Variants in RAD52 observed in about 807,000 individuals in gnomAD.
RAD52 encodes DNA repair protein RAD52 homolog.
RAD52 carries 47 observed loss-of-function variants against 55.5 expected under a neutral mutation model. The ratio of observed to expected loss-of-function variants is 0.85; its 90% confidence interval spans 0.67 to 1.08. The LOEUF is 1.08. Among genes scored for constraint, RAD52 ranks in the 50% least tolerant of loss-of-function variants. The pLI is 0.00. For missense variants in RAD52, 468 were observed against 522.8 expected (o/e 0.90, Z 1.02); for synonymous variants, 184 against 198.9 (o/e 0.92, Z 0.63).
chr12:977,325 G>A (rs375399250), intron 1 of RAD52, among the ~76,000 whole-genome samples: 2 of 152,114 alleles, frequency 1.3e-5, no homozygotes, highest in Non-Finnish European at 2.9e-5. Flanking sequence ...CTGAAGTTAC[G>A]TGCATGCTCT....
chr12:989,000 CTAT>C (rs1959130106), intron 1 of RAD52, among the ~76,000 whole-genome samples: 2 of 151,932 alleles, frequency 1.3e-5, no homozygotes, highest in Non-Finnish European at 1.5e-5. Context: ...AGGAAACCAG[CTAT>C]TGTGCTAGAA....
chr12:915,715 T>G (rs1956326497), intron 9 of RAD52, among the ~76,000 whole-genome samples: 2 of 125,580 alleles, frequency 1.6e-5, no homozygotes, highest in Admixed American at 7.5e-5. Context: ...GCTTGTTTTT[T>G]TTTTGTTTTG....
In RAD52 at chr12:965,220, C is replaced by T. The variant is rs114144819; in HGVS notation, c.-19+24589G>A. On this transcript the variant is annotated intron_variant, in intron 1 of 11. Coordinates refer to the RAD52 transcript ENST00000430095. ...GTCTTGATCTCCTGACTTGGTGATC[C>T]GCCCACCTCGACTCCCAAAGTGCTG... 8.9e-3 allele frequency among the ~76,000 whole-genome samples: 1,353 copies of T among 151,952 alleles called. 17 individuals are homozygous for T. The highest frequency in any genetic ancestry group is 0.016 in the South Asian group (79 of 4,806).
At chr12:958,529 T>C (rs758131490) in intron 1 of RAD52, among the ~76,000 whole-genome samples, 4 of 152,230 alleles carry the variant, frequency 2.6e-5, no homozygotes, top group Non-Finnish European at 4.4e-5. Context: ...CTGCATTGCC[T>C]TTTATGACCT....
In RAD52 at chr12:916,807, A is replaced by G. The variant is rs1956414906; in HGVS notation, c.557T>C (p.Val186Ala). The part of the protein sequence containing the change: ...NKLPRQLPLE[V>A]DLTKAKRQDL... ...TTGTCTCTTCGCTTTAGTTAAATCCACTTCAAGAGGCAACTAGAAGGAAAG... is the reference window on the plus strand; with the variant it reads ...TTGTCTCTTCGCTTTAGTTAAATCCGCTTCAAGAGGCAACTAGAAGGAAAG... The change falls in exon 8 of 12, where the codon GTG becomes GCG. Residue 186 changes from valine to alanine, a missense_variant. Physicochemically the swap from Val to Ala is moderately conservative, Grantham distance 64. Transcript: ENST00000358495. 1 of 1,602,430 alleles carries G rather than the reference A, an allele frequency of 6.2e-7. No individual in the cohort carries two copies. The highest frequency in any genetic ancestry group is 8.5e-7 in the Non-Finnish European group (1 of 1,170,482).
chr12:947,097 C>T lies in RAD52; in HGVS notation c.-19+2505G>A, dbSNP rs575548889. 2.4e-4 allele frequency among the ~76,000 whole-genome samples: 36 copies of T among 152,148 alleles called. 1 individual carries two copies. The highest frequency in any genetic ancestry group is 3.4e-3 in the Middle Eastern group (1 of 294). ...ATCCCAACACTTTGGGAGGCCAAGG[C>T]GGGAGGATCACCTGAGGTAGGGAGT... On this transcript the variant is annotated intron_variant, in intron 1 of 11. Transcript: ENST00000358495.
intron 1 of RAD52, among the ~76,000 whole-genome samples, chr12:982,516 C>A (rs1000270358): frequency 6.6e-6 from 1 of 152,226 alleles, no homozygotes; most frequent in Middle Eastern, 3.4e-3. Context: ...ACTAGAACAC[C>A]ATTTGGCCAA....
chr12:913,967 A>G lies in RAD52; in HGVS notation c.1122T>C (p.Val374=), dbSNP rs1592303796. ...MVTQNRTPHS[V]CHQKPQAKSG... ...ATTTTGCTTGTGGTTTCTGGTGGCA[A>G]ACGCTGTGTGGAGTCCTGTTCTGGG... Residue 374 remains valine, a synonymous_variant, in exon 11 of 12, where the codon GTT becomes GTC. Coordinates refer to ENST00000358495, the MANE Select transcript of RAD52 (RefSeq NM_134424.4). 1 of 1,614,128 alleles carries G rather than the reference A, an allele frequency of 6.2e-7. No individual in the cohort carries two copies. Among genetic ancestry groups the G allele is most frequent in the Non-Finnish European group, 8.5e-7 (1 of 1,180,022 alleles).
chr12:919,842 TAA>T (rs1173372708), intron 7 of RAD52, among the ~76,000 whole-genome samples: 1 of 114,608 alleles, frequency 8.7e-6, no homozygotes, highest in Admixed American at 8.4e-5. Context: ...CATCTGAGGT[TAA>T]GAGTCCAAGA....
At chr12:940,602 A>G (rs1957870880) in intron 1 of RAD52, among the ~76,000 whole-genome samples, 1 of 151,760 alleles carries the variant, frequency 6.6e-6, no homozygotes, top group African/African-American at 2.4e-5. Flanking sequence ...ACAGAGCAAG[A>G]CTCCGTCTAA....
chr12:950,274 C>T (rs1216222704), upstream of RAD52, among the ~76,000 whole-genome samples: 1 of 152,078 alleles, frequency 6.6e-6, no homozygotes, highest in African/African-American at 2.4e-5. Flanking sequence ...GAAGTCCCCT[C>T]TAGAATGTCC....
chr12:980,048 G>T (rs1250622966), intron 1 of RAD52, among the ~76,000 whole-genome samples: 1 of 151,914 alleles, frequency 6.6e-6, no homozygotes, highest in Non-Finnish European at 1.5e-5. Flanking sequence ...AATTTGCTGG[G>T]CGTGGTGGTG....
chr12:950,053 G>C (rs1958481850), upstream of RAD52, among the ~76,000 whole-genome samples: 3 of 152,208 alleles, frequency 2.0e-5, no homozygotes, highest in African/African-American at 7.2e-5. Flanking sequence ...GTGCCCATTA[G>C]GATGCGGGGC....
intron 1 of RAD52, among the ~76,000 whole-genome samples, chr12:972,103 G>C (rs1165976259): frequency 6.6e-6 from 1 of 152,102 alleles, no homozygotes; most frequent in African/African-American, 2.4e-5. Context: ...CAAATCTTGA[G>C]GCAACGCTAA....
In RAD52 at chr12:925,481, T is replaced by G; in HGVS notation, c.512A>C (p.Tyr171Ser). 1 of 1,614,046 alleles carries G rather than the reference T, an allele frequency of 6.2e-7. No individual in the cohort carries two copies. The highest frequency in any genetic ancestry group is 8.5e-7 in the Non-Finnish European group (1 of 1,179,920). The change falls in exon 7 of 12, where the codon TAC becomes TCC. Residue 171 changes from tyrosine (Y) to serine (S), a missense_variant. Tyr to Ser is a moderately radical substitution (Grantham distance 144). Transcript: ENST00000358495. ...ALGNCILDKD[Y>S]LRSLNKLPRQ... ...TGGAAGCTTATTTAGTGATCTCAGG[T>G]AGTCTTTGTCCAGAATACAGTTTCC...
intron 1 of RAD52, among the ~76,000 whole-genome samples, chr12:972,516 C>T (rs963883657): frequency 6.6e-5 from 10 of 151,944 alleles, no homozygotes; most frequent in African/African-American, 2.4e-4. Flanking sequence ...CCTGTAATCC[C>T]AGCACTTTGG....
intron 7 of RAD52, among the ~76,000 whole-genome samples, chr12:919,396 A>G (rs1443675158): frequency 6.6e-6 from 1 of 152,014 alleles, no homozygotes; most frequent in Non-Finnish European, 1.5e-5. Context: ...CAGTGATCAC[A>G]ACATTGCACT....
chr12:911,772 T>TTTTAC lies in RAD52; in HGVS notation c.*1614_*1618dup, dbSNP rs1337536511. Among the ~76,000 whole-genome samples, 11 of 152,274 alleles carry TTTTAC rather than the reference T, an allele frequency of 7.2e-5. No homozygotes were observed. Among genetic ancestry groups the TTTTAC allele is most frequent in the East Asian group, 5.8e-4 (3 of 5,186 alleles). ...GGCTCATGCCTATAATTCTAGTACT[T>TTTTAC]TTTACTTTGGGAGGCCGAGGTGGGC... On this transcript the variant is annotated 3_prime_UTR_variant, in exon 12 of 12. Coordinates refer to ENST00000358495, the MANE Select transcript of RAD52 (RefSeq NM_134424.4).
At chr12:990,299 G>C (rs1959169360), upstream of RAD52, 1 of 151,998 alleles carries the variant, frequency 6.6e-6, no homozygotes, top group African/African-American at 2.4e-5. Context: ...TCTTGGTTTA[G>C]AGATAGCTTA....
Sources: allele counts gnomAD v4.1 joint callset (sites outside exome capture counted in the v4.1 genomes callset), GRCh38; gene constraint gnomAD v4.1.1; transcripts MANE v1.5; gene names NCBI Gene and HGNC (gene_info 2026-07-23, HGNC 2026-07-21).